Variants in TNR observed in about 807,000 individuals in gnomAD.
TNR encodes the protein tenascin R, also known as tenascin-R.
TNR carries 45 observed loss-of-function variants against 150.4 expected under a neutral mutation model. That is an observed-to-expected ratio of 0.30 (90% CI 0.24 to 0.38). The LOEUF is 0.38. TNR is among the 10% of genes least tolerant of loss of function. The probability of loss-of-function intolerance (pLI) is 1.00; values close to 1 mark genes in which losing one functional copy is unlikely to be tolerated. For missense variants in TNR, 1,544 were observed against 1,759.1 expected (o/e 0.88, Z 2.19); for synonymous variants, 687 against 678.4 (o/e 1.01, Z -0.20).
chr1:175,475,299 G>A (rs562028375), intron 2 of TNR, among the ~76,000 whole-genome samples: 1 of 152,288 alleles, frequency 6.6e-6, no homozygotes, highest in East Asian at 1.9e-4. Context: ...TAAATTTAGG[G>A]ATGATGGCAC....
At chr1:175,607,543 T>C (rs1663449063) in intron 1 of TNR, among the ~76,000 whole-genome samples, 1 of 152,248 alleles carries the variant, frequency 6.6e-6, no homozygotes, top group South Asian at 2.1e-4. Flanking sequence ...GGCTTGTAGC[T>C]ACATCTTATC....
intron 1 of TNR, among the ~76,000 whole-genome samples, chr1:175,576,661 A>G: frequency 6.7e-6 from 1 of 150,314 alleles, no homozygotes; most frequent in East Asian, 1.9e-4. Context: ...TAAATACTTC[A>G]TAAACTTTAC....
intron 2 of TNR, among the ~76,000 whole-genome samples, chr1:175,499,577 C>T (rs182669296): frequency 4.2e-4 from 64 of 152,352 alleles, no homozygotes; most frequent in African/African-American, 1.4e-3. Flanking sequence ...GCAGATGTGG[C>T]TTTCTTTACC....
intron 1 of TNR, among the ~76,000 whole-genome samples, chr1:175,560,995 C>T (rs1661404300): frequency 6.6e-6 from 1 of 152,188 alleles, no homozygotes; most frequent in Admixed American, 6.5e-5. Context: ...CTCTTCTCAT[C>T]TTTAACGTTG....
Position 175,431,913 on chromosome 1 carries a change from C to CTCTCTCTCTCTCTCTCTCCT in TNR, c.-63-25137_-63-25136insAGGAGAGAGAGAGAGAGAGA, listed in dbSNP as rs1226489578. The stretch of plus-strand genomic sequence containing the variant: ...TTCTCTTGTTTATGGACCATAATAT[C>CTCTCTCTCTCTCTCTCTCCT]TCTCTCTCTCTCTCTCTCTCTCCCT... On this transcript the variant is annotated intron_variant, in intron 2 of 22. Transcript: ENST00000367674. Among the ~76,000 whole-genome samples the CTCTCTCTCTCTCTCTCTCCT allele has an allele frequency of 8.1e-3, 1,206 of 149,628 alleles. 16 individuals carry two copies. The highest frequency in any genetic ancestry group is 0.028 in the African/African-American group (1,125 of 40,780).
At chr1:175,684,411 AT>A (rs111799019) in intron 1 of TNR, among the ~76,000 whole-genome samples, 4 of 152,276 alleles carry the variant, frequency 2.6e-5, no homozygotes, top group African/African-American at 9.6e-5. Context: ...TTTTCACATG[AT>A]TTCAATATTC....
chr1:175,405,079 G>A (rs916538601), intron 3 of TNR, among the ~76,000 whole-genome samples: 1 of 152,194 alleles, frequency 6.6e-6, no homozygotes, highest in African/African-American at 2.4e-5. Context: ...AAAGCCTTGA[G>A]ATCATGGATC....
At chr1:175,586,622 TATC>T (rs1166213903) in intron 1 of TNR, among the ~76,000 whole-genome samples, 2 of 152,128 alleles carry the variant, frequency 1.3e-5, no homozygotes, top group Non-Finnish European at 2.9e-5. Flanking sequence ...TCTTTATTCT[TATC>T]ATTCCTTCCT....
chr1:175,478,686 C>T (rs1657653314), intron 2 of TNR, among the ~76,000 whole-genome samples: 2 of 152,080 alleles, frequency 1.3e-5, no homozygotes, highest in South Asian at 2.1e-4. Flanking sequence ...GAGGGACAAT[C>T]CATGCCTGGC....
chr1:175,520,175 T>C (rs756492016), intron 2 of TNR, among the ~76,000 whole-genome samples: 7 of 152,202 alleles, frequency 4.6e-5, no homozygotes, highest in Non-Finnish European at 1.0e-4. Context: ...ATTTTTTCCC[T>C]AGCTTGAGAA....
At chr1:175,540,058 G>A (rs79937574) in intron 1 of TNR, among the ~76,000 whole-genome samples, 42 of 152,268 alleles carry the variant, frequency 2.8e-4, no homozygotes, top group African/African-American at 1.0e-3. Flanking sequence ...AAGAGGCACT[G>A]ACTAACAAAT....
chr1:175,597,448 G>A (rs2101843578), intron 1 of TNR, among the ~76,000 whole-genome samples: 1 of 152,284 alleles, frequency 6.6e-6, no homozygotes, highest in Admixed American at 6.5e-5. Flanking sequence ...AACTGCTTTT[G>A]GATACTGTGG....
intron 2 of TNR, among the ~76,000 whole-genome samples, chr1:175,497,476 C>T (rs984418573): frequency 2.0e-5 from 3 of 152,190 alleles, no homozygotes; most frequent in African/African-American, 4.8e-5. Context: ...TGTGCATTCT[C>T]TTGGATAAAC....
chr1:175,739,565 C>T (rs1427338702), intron 1 of TNR, among the ~76,000 whole-genome samples: 2 of 152,092 alleles, frequency 1.3e-5, no homozygotes, highest in Non-Finnish European at 2.9e-5. Context: ...CTGATAACTC[C>T]GTTACTTCTT....
rs188325172 is a variant in TNR, at chr1:175,479,156, C to T, written c.-64+49113G>A. On this transcript the variant is annotated intron_variant, in intron 2 of 22. Coordinates refer to ENST00000367674, the MANE Select transcript of TNR (RefSeq NM_003285.3). ...ATTCAAACCATGGGAAATTTGTTCT[C>T]AATCTCTGGCAAGATTTCACCCCAT... 3.9e-5 allele frequency among the ~76,000 whole-genome samples: 6 copies of T among 152,340 alleles called. No homozygotes were observed. The East Asian group carries it at 1.2e-3, about 29-fold the overall frequency.
intron 2 of TNR, among the ~76,000 whole-genome samples, chr1:175,492,577 T>A (rs1315033612): frequency 6.6e-6 from 1 of 152,134 alleles, no homozygotes; most frequent in Non-Finnish European, 1.5e-5. Context: ...GGCAGGTGTG[T>A]GTCAAGGCCT....
chr1:175,393,191 A>G (rs904635974), intron 6 of TNR, among the ~76,000 whole-genome samples: 8 of 152,234 alleles, frequency 5.3e-5, no homozygotes, highest in Non-Finnish European at 1.2e-4. Flanking sequence ...ATACTGCTTT[A>G]GAGAGTAGAA....
chr1:175,538,099 G>A (rs1660364703), intron 1 of TNR, among the ~76,000 whole-genome samples: 1 of 152,198 alleles, frequency 6.6e-6, no homozygotes, highest in African/African-American at 2.4e-5. Flanking sequence ...GCATATAGGA[G>A]CAGGCCAAGA....
At chr1:175,500,904 A>G (rs1320672490) in intron 2 of TNR, among the ~76,000 whole-genome samples, 1 of 152,172 alleles carries the variant, frequency 6.6e-6, no homozygotes, top group African/African-American at 2.4e-5. Flanking sequence ...GGCAAGGAAG[A>G]AAAACAGAGC....
Sources: gnomAD v4.1 joint callset for allele counts (sites outside exome capture counted in the v4.1 genomes callset) on GRCh38, gnomAD v4.1.1 for gene constraint, MANE v1.5 for transcripts, NCBI Gene and HGNC (gene_info 2026-07-23, HGNC 2026-07-21) for gene names.